FOCAD: variants seen among roughly 807,000 people sequenced by gnomAD.
FOCAD encodes the protein focadhesin.
Under a neutral mutation model 225.6 loss-of-function variants are expected in FOCAD, and 198 were observed. That is an observed-to-expected ratio of 0.88 (90% CI 0.78 to 0.99). The LOEUF (loss-of-function observed/expected upper bound fraction) is 0.99, where lower values mean the gene tolerates loss of function less well. Ranked by LOEUF, FOCAD falls within the 50% of genes least tolerant of loss-of-function variation. FOCAD has a pLI of 0.00. For synonymous variants in FOCAD, 897 were observed against 755.0 expected (o/e 1.19, Z -3.08); for missense variants, 2,713 against 2,123.6 (o/e 1.28, Z -5.46).
chr9:20,695,356 T>G (rs1433856136), intron 1 of FOCAD, among the ~76,000 whole-genome samples: 1 of 152,200 alleles, frequency 6.6e-6, no homozygotes, highest in Non-Finnish European at 1.5e-5. Context: ...GTTCCCTATC[T>G]TCCTTTAACT....
chr9:20,807,722 T>C (rs748168727), intron 11 of FOCAD, among the ~76,000 whole-genome samples: 4 of 152,142 alleles, frequency 2.6e-5, no homozygotes, highest in Non-Finnish European at 5.9e-5. Context: ...TTCCCAATGC[T>C]CACTTTTTCA....
intron 15 of FOCAD, among the ~76,000 whole-genome samples, chr9:20,839,270 T>C (rs1456743046): frequency 4.0e-5 from 6 of 151,208 alleles, no homozygotes; most frequent in African/African-American, 1.5e-4. Context: ...TTTTTTTTTT[T>C]TTTTTTGAGA....
chr9:20,918,313 C>A (rs1159739574), intron 24 of FOCAD, among the ~76,000 whole-genome samples: 1 of 152,174 alleles, frequency 6.6e-6, no homozygotes, highest in Non-Finnish European at 1.5e-5. Flanking sequence ...AAATTTTACT[C>A]CAGTGTGACT....
intron 39 of FOCAD, among the ~76,000 whole-genome samples, chr9:20,984,421 T>C (rs1412450494): frequency 2.0e-5 from 3 of 152,246 alleles, no homozygotes; most frequent in Non-Finnish European, 4.4e-5. Context: ...GTCATATCTG[T>C]TGACATTTTC....
chr9:20,851,713 C>G (rs561396242), intron 15 of FOCAD, among the ~76,000 whole-genome samples: 4 of 151,924 alleles, frequency 2.6e-5, no homozygotes, highest in Admixed American at 2.0e-4. Flanking sequence ...ACAGGGTATT[C>G]AAGTGTACAT....
upstream of FOCAD, among the ~76,000 whole-genome samples, chr9:20,679,616 A>G (rs1199200031): frequency 6.6e-6 from 1 of 152,054 alleles, no homozygotes; most frequent in Non-Finnish European, 1.5e-5. Flanking sequence ...GCCCTTCTAC[A>G]CTGACTTCAA....
chr9:20,963,721 G>C (rs117725104), intron 35 of FOCAD, among the ~76,000 whole-genome samples: 63 of 152,296 alleles, frequency 4.1e-4, no homozygotes, highest in Non-Finnish European at 6.2e-4. Context: ...CTTAATTTTT[G>C]TGTTTTCTTT....
chr9:20,690,694 T>G (rs564315579), intron 1 of FOCAD, among the ~76,000 whole-genome samples: 1 of 152,018 alleles, frequency 6.6e-6, no homozygotes, highest in Non-Finnish European at 1.5e-5. Flanking sequence ...ACTGCAGATA[T>G]GTGCCACCAT....
intron 35 of FOCAD, among the ~76,000 whole-genome samples, chr9:20,962,267 C>G (rs574297839): frequency 6.6e-6 from 1 of 152,068 alleles, no homozygotes; most frequent in African/African-American, 2.4e-5. Flanking sequence ...TAAACTCTGT[C>G]TTTTCCACTA....
chr9:20,918,655 C>T (rs201975458), intron 24 of FOCAD, among the ~76,000 whole-genome samples: 1 of 150,540 alleles, frequency 6.6e-6, no homozygotes, highest in Non-Finnish European at 1.5e-5. Context: ...ACCCGGGAGG[C>T]GGAGCTTGCA....
chr9:20,682,483 A>T (rs1049327797), upstream of FOCAD, among the ~76,000 whole-genome samples: 3 of 152,230 alleles, frequency 2.0e-5, no homozygotes, highest in African/African-American at 7.2e-5. Context: ...AAATGTGGGT[A>T]ATAACTGTAA....
chr9:20,919,579 A>C (rs964825527), intron 24 of FOCAD, among the ~76,000 whole-genome samples: 12 of 152,340 alleles, frequency 7.9e-5, no homozygotes, highest in South Asian at 2.1e-4. Context: ...AGGCTACAGT[A>C]ACCAAAACAG....
At chr9:20,740,120 C>T in intron 4 of FOCAD, 116 bp from the exon 5 acceptor site, 1 of 624,960 alleles carries the variant, frequency 1.6e-6, no homozygotes, top group Non-Finnish European at 2.8e-6. Context: ...CTGTGGGTGG[C>T]TACTGTTTAA....
intron 8 of FOCAD, 28 bp downstream of exon 8, chr9:20,770,266 C>A (rs748927158): frequency 6.4e-7 from 1 of 1,562,764 alleles, no homozygotes; most frequent in South Asian, 1.1e-5. Context: ...TTATACTGTT[C>A]ATGCATTGCT....
chr9:20,826,119 A>G (rs1022751609), intron 15 of FOCAD, among the ~76,000 whole-genome samples: 1 of 152,122 alleles, frequency 6.6e-6, no homozygotes, highest in Non-Finnish European at 1.5e-5. Context: ...TTGAGTGTCA[A>G]CTTGATTGGA....
intron 1 of FOCAD, among the ~76,000 whole-genome samples, chr9:20,712,378 A>G (rs1450701945): frequency 6.6e-6 from 1 of 152,142 alleles, no homozygotes; most frequent in Non-Finnish European, 1.5e-5. Flanking sequence ...AAGTTGCTCA[A>G]GCTGGGCATG....
intron 28 of FOCAD, among the ~76,000 whole-genome samples, chr9:20,939,281 A>G (rs1039162143): frequency 2.0e-5 from 3 of 152,266 alleles, no homozygotes; most frequent in South Asian, 2.1e-4. Flanking sequence ...TTTGAATCCA[A>G]TGAAGAGTTG....
chr9:20,920,792 A>C (rs1434851095), intron 24 of FOCAD, among the ~76,000 whole-genome samples: 1 of 151,044 alleles, frequency 6.6e-6, no homozygotes, highest in South Asian at 2.1e-4. Flanking sequence ...GAAAGGGAAC[A>C]TCACACTCTG....
chr9:20,692,318 A>G (rs1317362404), intron 1 of FOCAD, among the ~76,000 whole-genome samples: 1 of 151,902 alleles, frequency 6.6e-6, no homozygotes, highest in Non-Finnish European at 1.5e-5. Flanking sequence ...CTCACAATCT[A>G]TATATATATA....
Sources: allele counts gnomAD v4.1 joint callset (sites outside exome capture counted in the v4.1 genomes callset), GRCh38; gene constraint gnomAD v4.1.1; transcripts MANE v1.5; gene names NCBI Gene and HGNC (gene_info 2026-07-23, HGNC 2026-07-21).